CA8: variants seen among roughly 807,000 people sequenced by gnomAD.
CA8 encodes carbonic anhydrase 8 (inactive).
Under a neutral mutation model 41.4 loss-of-function variants are expected in CA8, and 22 were observed. That is an observed-to-expected ratio of 0.53 (90% confidence interval 0.38 to 0.76). The LOEUF is 0.76. Among genes scored for constraint, CA8 ranks in the 30% least tolerant of loss-of-function variants. The pLI is 0.00. For missense variants in CA8, 270 were observed against 352.8 expected (o/e 0.77, Z 1.88); for synonymous variants, 121 against 130.6 (o/e 0.93, Z 0.50).
rs151060395 is a variant in CA8, at chr8:60,232,242, T to C, written c.513+42A>G. 5.7e-5 allele frequency: 80 copies of C among 1,412,114 alleles called. No homozygotes were observed. The African/African-American group carries it at 8.2e-4, about 14-fold the overall frequency. 87.5% of individuals were successfully genotyped at this position (1,412,114 alleles called of 1,614,324 possible). ...AAATTTTACAAAATGATTTAGAAAT[T>C]AGCATCTCTAAACAATACGATAATC... On this transcript the variant is annotated intron_variant, in intron 4 of 8. Transcript: ENST00000317995.
intron 8 of CA8, among the ~76,000 whole-genome samples, chr8:60,201,902 G>C (rs983614206): frequency 6.6e-6 from 1 of 152,160 alleles, no homozygotes; most frequent in Admixed American, 6.6e-5. Flanking sequence ...AAGCTGTTCA[G>C]AATCAGAATT....
intron 7 of CA8, among the ~76,000 whole-genome samples, chr8:60,214,841 T>C (rs767220125): frequency 6.6e-6 from 1 of 152,200 alleles, no homozygotes; most frequent in Non-Finnish European, 1.5e-5. Flanking sequence ...AGAAGACGTA[T>C]CATGTATCCA....
At chr8:60,200,441 T>G (rs149104159) in intron 8 of CA8, among the ~76,000 whole-genome samples, 158 of 152,354 alleles carry the variant, frequency 1.0e-3, no homozygotes, top group Non-Finnish European at 1.8e-3. Flanking sequence ...GCTGAGATTT[T>G]AGATTCTCTA....
intron 8 of CA8, chr8:60,208,445 G>C (rs1240822609): frequency 2.9e-6 from 1 of 349,976 alleles, no homozygotes; most frequent in Non-Finnish European, 5.4e-6. Flanking sequence ...AGTTACTAAA[G>C]AGGTATGCAT....
At chr8:60,268,886 A>G (rs1272060709) in intron 2 of CA8, among the ~76,000 whole-genome samples, 1 of 152,172 alleles carries the variant, frequency 6.6e-6, no homozygotes, top group Non-Finnish European at 1.5e-5. Flanking sequence ...AAGTAATTAT[A>G]TTCTATGGTA....
chr8:60,252,706 G>A (rs1448223230), intron 3 of CA8, among the ~76,000 whole-genome samples: 2 of 152,168 alleles, frequency 1.3e-5, no homozygotes, highest in Non-Finnish European at 1.5e-5. Context: ...AAATATTCCA[G>A]TGAGCATTTC....
rs1220069723 is a variant in CA8 at position 60,186,107 on chromosome 8, TA to T, written c.*3913del. Among the ~76,000 whole-genome samples, 2 of 152,064 alleles carry T rather than the reference TA, an allele frequency of 1.3e-5. No homozygotes were observed. The highest frequency in any genetic ancestry group is 4.8e-5 in the African/African-American group (2 of 41,448). On this transcript the variant is annotated 3_prime_UTR_variant, in exon 9 of 9. Coordinates refer to ENST00000317995, the MANE Select transcript of CA8 (RefSeq NM_004056.6). ...ACAAAATGAACATAACCAGAAATGG[TA>T]AATTAAAAGCTTACTAGAAGAAACT...
In CA8 at chr8:60,275,376, G is replaced by C. The variant is rs151154845; in HGVS notation, c.292+4313C>G. 9.8e-3 allele frequency among the ~76,000 whole-genome samples: 1,483 copies of C among 152,062 alleles called. 8 individuals are homozygous for C. Among genetic ancestry groups the C allele is most frequent in the Non-Finnish European group, 0.015 (1,039 of 67,986 alleles). On this transcript the variant is annotated intron_variant, in intron 2 of 8. Coordinates refer to ENST00000317995, the MANE Select transcript of CA8 (RefSeq NM_004056.6). ...TAGAAAAAGAAACCCAGAGTAAACA[G>C]AGACAGGTAGGGATAGAAAAGAAGC...
chr8:60,218,103 T>C (rs549163457), intron 7 of CA8, among the ~76,000 whole-genome samples: 70 of 152,298 alleles, frequency 4.6e-4, no homozygotes, highest in Non-Finnish European at 1.3e-4. Flanking sequence ...AAATACACTC[T>C]GCTCTCTGGC....
chr8:60,270,152 A>C (rs185465461), intron 2 of CA8, among the ~76,000 whole-genome samples: 3 of 152,362 alleles, frequency 2.0e-5, no homozygotes, highest in South Asian at 4.1e-4. Flanking sequence ...GAGGGCTTTT[A>C]ATCAGGGGAC....
At chr8:60,233,580 C>T (rs10106235) in intron 3 of CA8, among the ~76,000 whole-genome samples, 53,889 of 151,964 alleles carry the variant, frequency 0.35, 9,989 homozygotes, top group Admixed American at 0.43. Flanking sequence ...AAAATGATGT[C>T]CTATAATCTC....
At chr8:60,259,407 T>C (rs934095442) in intron 3 of CA8, among the ~76,000 whole-genome samples, 5 of 152,252 alleles carry the variant, frequency 3.3e-5, no homozygotes, top group African/African-American at 1.2e-4. Flanking sequence ...AAATGCTTTT[T>C]TGCAAATTTA....
chr8:60,280,765 C>A (rs1804388244), intron 1 of CA8, among the ~76,000 whole-genome samples: 1 of 152,256 alleles, frequency 6.6e-6, no homozygotes, highest in Non-Finnish European at 1.5e-5. Context: ...GGCTTGGAGG[C>A]TAGCCCGCCC....
At chr8:60,268,127 G>A (rs1365671432) in intron 2 of CA8, among the ~76,000 whole-genome samples, 1 of 152,146 alleles carries the variant, frequency 6.6e-6, no homozygotes, top group African/African-American at 2.4e-5. Context: ...GGCCTCAACA[G>A]GTGAGCTCTA....
At chr8:60,190,295 AAAAAT>A in intron 8 of CA8, among the ~76,000 whole-genome samples, 1 of 151,548 alleles carries the variant, frequency 6.6e-6, no homozygotes. Flanking sequence ...GTCAAATAAT[AAAAAT>A]AAAGCTTTAA....
At chr8:60,273,422 G>A (rs749102027) in intron 2 of CA8, among the ~76,000 whole-genome samples, 3 of 152,204 alleles carry the variant, frequency 2.0e-5, no homozygotes, top group Non-Finnish European at 2.9e-5. Flanking sequence ...GGTCTGAGAT[G>A]GGAGGCTACA....
At chr8:60,210,590 G>A (rs1806800762) in intron 7 of CA8, among the ~76,000 whole-genome samples, 1 of 151,280 alleles carries the variant, frequency 6.6e-6, no homozygotes, top group Non-Finnish European at 1.5e-5. Context: ...TAGAATCCGG[G>A]TCAGAAAGCC....
rs1376545531 is a variant in CA8 at position 60,185,815 on chromosome 8, G to GAATGAAGTGACCCCAGATACTAATTTGA, written c.*4178_*4205dup. Among the ~76,000 whole-genome samples, 2 of 151,712 alleles carry GAATGAAGTGACCCCAGATACTAATTTGA rather than the reference G, an allele frequency of 1.3e-5. No individual in the cohort carries two copies. The highest frequency in any genetic ancestry group is 4.8e-5 in the African/African-American group (2 of 41,294). ...ATATTAAAAAAAGGACTTCTGCCTGGAATGAAGTGACCCCAGATACTAATT... is the reference window on the plus strand; with the variant it reads ...ATATTAAAAAAAGGACTTCTGCCTGGAATGAAGTGACCCCAGATACTAATTTGAAATGAAGTGACCCCAGATACTAATT... On this transcript the variant is annotated 3_prime_UTR_variant, in exon 9 of 9. Transcript: ENST00000317995.
At position 60,247,032 on chromosome 8, in the gene CA8, C is replaced by T. The variant is rs543058728; in HGVS notation, c.418-14653G>A. On this transcript the variant is annotated intron_variant, in intron 3 of 8. Coordinates refer to ENST00000317995, the MANE Select transcript of CA8 (RefSeq NM_004056.6). ...CCGAGTAGCTGGGACTACAGGCGCC[C>T]GCCAATACACCCAGCTAATTTTTTG... Among the ~76,000 whole-genome samples the T allele has an allele frequency of 2.6e-4, 39 of 151,810 alleles. No homozygotes were observed. In the East Asian group the frequency reaches 6.6e-3, roughly 26 times the overall value.
Sources: allele counts gnomAD v4.1 joint callset (sites outside exome capture counted in the v4.1 genomes callset), GRCh38; gene constraint gnomAD v4.1.1; transcripts MANE v1.5; gene names NCBI Gene and HGNC (gene_info 2026-07-23, HGNC 2026-07-21).